HLA-DRB1: variants seen among roughly 807,000 people sequenced by gnomAD.
HLA-DRB1 encodes the protein major histocompatibility complex, class II, DR beta 1.
A neutral mutation model predicts 27.9 loss-of-function variants in HLA-DRB1; 10 were observed. The ratio of observed to expected loss-of-function variants is 0.36; its 90% CI spans 0.22 to 0.61. The LOEUF (loss-of-function observed/expected upper bound fraction) is 0.61. HLA-DRB1 is among the 20% of genes least tolerant of loss of function. The pLI is 0.73. For missense variants in HLA-DRB1, 118 were observed against 306.3 expected (o/e 0.39, Z 4.59); for synonymous variants, 57 against 126.7 (o/e 0.45, Z 3.69).
intron 1 of HLA-DRB1, among the ~76,000 whole-genome samples, 199 bp downstream of exon 1, chr6:32,589,444 C>T (rs879475196): frequency 0.2 from 13,094 of 66,730 alleles, 968 homozygotes; most frequent in East Asian, 0.3. Context: ...GTGCAAAGGC[C>T]CCTTACACAA....
At chr6:32,581,078 G>C (rs28732302) in intron 3 of HLA-DRB1, among the ~76,000 whole-genome samples, 1,057 of 73,852 alleles carry the variant, frequency 0.014, 66 homozygotes, top group Middle Eastern at 0.029. Context: ...TAAGGCACAA[G>C]TTCAACATCT....
intron 1 of HLA-DRB1, among the ~76,000 whole-genome samples, chr6:32,585,933 C>G: frequency 8.4e-6 from 1 of 118,938 alleles, no homozygotes; most frequent in South Asian, 2.9e-4. Context: ...GCCTGATACA[C>G]AGTCATTGCA....
intron 4 of HLA-DRB1, 143 bp downstream of exon 4, chr6:32,580,603 T>C (rs1231303350): frequency 4.0e-6 from 3 of 750,124 alleles, no homozygotes; most frequent in Non-Finnish European, 6.5e-6. Flanking sequence ...TGATGATTTC[T>C]GGATTAGCAG....
chr6:32,579,321 TC>T (rs368581979), intron 5 of HLA-DRB1, among the ~76,000 whole-genome samples: 1 of 86,360 alleles, frequency 1.2e-5, no homozygotes, highest in Non-Finnish European at 2.4e-5. Flanking sequence ...CCAAAGTCTT[TC>T]CTATTATTTC....
Position 32,584,177 on chromosome 6 carries a change from CG to C in HLA-DRB1, c.301del (p.Arg101GlyfsTer28), listed in dbSNP as rs1554126624. 123,927 of 675,384 alleles carry C rather than the reference CG, an allele frequency of 0.18. 24,091 individuals are homozygous for C. The highest frequency in any genetic ancestry group is 0.27 in the South Asian group (11,104 of 41,612). 41.8% of individuals were successfully genotyped at this position (675,384 alleles called of 1,614,324 possible). A position where few individuals can be genotyped will look rare whatever the true frequency, so the allele number is the denominator to read the frequency against. ...TCTGCAGTAGGTGTCCACCGCGGCC[CG>C]CGCCTGCTCCAGGATGTCCTTCTGG... On this transcript the variant is annotated frameshift_variant, in exon 2 of 6. Transcript: ENST00000360004. LOFTEE classifies it high-confidence loss of function.
At position 32,581,841 on chromosome 6, in the gene HLA-DRB1, A is replaced by C; in HGVS notation, c.371-3T>G. 4.4e-6 allele frequency: 5 copies of C among 1,149,170 alleles called. No homozygotes were observed. Among genetic ancestry groups the C allele is most frequent in the South Asian group, 1.3e-5 (1 of 75,204 alleles). The allele number at this position is 1,149,170 out of a possible 1,614,324, so 71.2% of individuals were successfully genotyped here. On this transcript the variant is annotated splice_region_variant and splice_polypyrimidine_tract_variant and intron_variant, in intron 2 of 5. Coordinates refer to ENST00000360004, the Ensembl canonical transcript of HLA-DRB1. ...ATATACAGTCACCTTAGGTTGGACT[A>C]GGAGAAAAACAACGTAGAGGGAATG...
At chr6:32,584,982 T>A (rs9270002) in intron 1 of HLA-DRB1, among the ~76,000 whole-genome samples, 21,347 of 42,988 alleles carry the variant, frequency 0.5, 9,472 homozygotes, top group Admixed American at 0.55. Context: ...AATAGAAGAT[T>A]CCCAGTTAAA....
chr6:32,589,432 T>A (rs9270271), intron 1 of HLA-DRB1, among the ~76,000 whole-genome samples: 2 of 71,596 alleles, frequency 2.8e-5, no homozygotes, highest in Non-Finnish European at 5.5e-5. Flanking sequence ...AAGAAATGAT[T>A]TGTGCAAAGG....
At chr6:32,588,936 A>T in intron 1 of HLA-DRB1, among the ~76,000 whole-genome samples, 1 of 122,302 alleles carries the variant, frequency 8.2e-6, no homozygotes, top group African/African-American at 3.0e-5. Flanking sequence ...TTTTCAGAGG[A>T]TGCCTTAAGT....
exon 6 of HLA-DRB1, chr6:32,579,081 C>A: frequency 1.3e-6 from 1 of 791,328 alleles, no homozygotes; most frequent in Non-Finnish European, 1.8e-6. Flanking sequence ...TGAATGTGGT[C>A]ATCTGCATTT....
rs35399335 is a variant in HLA-DRB1 at position 32,588,561 on chromosome 6, C to A, written c.100+1082G>T. 2.5e-3 allele frequency among the ~76,000 whole-genome samples: 131 copies of A among 52,488 alleles called. 2 individuals are homozygous for A. Among genetic ancestry groups the A allele is most frequent in the East Asian group, 5.7e-3 (9 of 1,570 alleles). 34.4% of individuals were successfully genotyped at this position (52,488 alleles called of 152,430 possible). Reference sequence around the variant, plus strand: ...CAACATAGCTGGGGAAAAATAGAAACTGGAGGAAGAGGTAAGCAGACATGG... The same window carrying A: ...CAACATAGCTGGGGAAAAATAGAAAATGGAGGAAGAGGTAAGCAGACATGG... On this transcript the variant is annotated intron_variant, in intron 1 of 5. Coordinates refer to ENST00000360004, the Ensembl canonical transcript of HLA-DRB1.
chr6:32,581,859 A>T (rs36056209), intron 2 of HLA-DRB1, 21 bp from the exon 3 acceptor site: 245,395 of 993,724 alleles, frequency 0.25, 1,079 homozygotes, highest in Admixed American at 0.31. Flanking sequence ...AACAACGTAG[A>T]GGGAATGAGT....
chr6:32,581,370 C>A (rs36052594), intron 3 of HLA-DRB1, among the ~76,000 whole-genome samples, 187 bp downstream of exon 3: 10,501 of 56,870 alleles, frequency 0.18, 276 homozygotes, highest in East Asian at 0.27. Flanking sequence ...GGCGAGACTG[C>A]TTCTCCAGGA....
At position 32,584,612 on chromosome 6, in the gene HLA-DRB1, C is replaced by CA. The variant is rs9281875; in HGVS notation, c.101-235_101-234insT. On this transcript the variant is annotated intron_variant, in intron 1 of 5. Coordinates refer to ENST00000360004, the Ensembl canonical transcript of HLA-DRB1. ...CTCATCCCCAGGCTTTTGGGACCCC[C>CA]TCCCTGCCTCCAGCCTGTTCTGGAG... Among the ~76,000 whole-genome samples the CA allele has an allele frequency of 4.9e-3, 717 of 146,144 alleles. 3 individuals are homozygous for CA. Among genetic ancestry groups the CA allele is most frequent in the African/African-American group, 0.017 (650 of 38,928 alleles).
At chr6:32,578,973 G>A (rs1267338562) in exon 6 of HLA-DRB1, 1 of 490,384 alleles carries the variant, frequency 2.0e-6, no homozygotes, top group South Asian at 2.1e-5. Flanking sequence ...TGCCGAACCA[G>A]TAGCAACCAG....
intron 3 of HLA-DRB1, among the ~76,000 whole-genome samples, chr6:32,581,335 G>A (rs35325793): frequency 0.011 from 896 of 83,202 alleles, 42 homozygotes; most frequent in African/African-American, 0.018. Context: ...AGGTTCAAAA[G>A]AGGGACAGTC....
intron 1 of HLA-DRB1, among the ~76,000 whole-genome samples, chr6:32,586,858 A>C: frequency 1.1e-5 from 1 of 87,554 alleles, no homozygotes; most frequent in Non-Finnish European, 2.4e-5. Flanking sequence ...ATCCTTAGGA[A>C]TAAGCTTGAT....
At position 32,585,396 on chromosome 6, in the gene HLA-DRB1, A is replaced by G. The variant is rs201958587; in HGVS notation, c.101-1018T>C. On this transcript the variant is annotated intron_variant, in intron 1 of 5. Coordinates refer to ENST00000360004, the Ensembl canonical transcript of HLA-DRB1. ...CTTCTACTTGGGTCAATTTTTACCAACCATAAGCCTTTTTGTAATCTATCA... is the reference window on the plus strand; with the variant it reads ...CTTCTACTTGGGTCAATTTTTACCAGCCATAAGCCTTTTTGTAATCTATCA... Among the ~76,000 whole-genome samples the G allele has an allele frequency of 8.1e-3, 1,100 of 136,622 alleles. 13 individuals are homozygous for G. Among genetic ancestry groups the G allele is most frequent in the South Asian group, 0.026 (96 of 3,708 alleles). 89.6% of individuals were successfully genotyped at this position (136,622 alleles called of 152,430 possible). A position where few individuals can be genotyped will look rare whatever the true frequency, so the allele number is the denominator to read the frequency against.
intron 1 of HLA-DRB1, among the ~76,000 whole-genome samples, chr6:32,585,249 G>A (rs9270018): frequency 0.61 from 42,458 of 69,680 alleles, 17,585 homozygotes; most frequent in Admixed American, 0.69. Context: ...CTAAGAAACA[G>A]CCTGGTACAT....
Sources: gnomAD v4.1 joint callset for allele counts (sites outside exome capture counted in the v4.1 genomes callset) on GRCh38, gnomAD v4.1.1 for gene constraint, MANE v1.5 for transcripts, NCBI Gene and HGNC (gene_info 2026-07-23, HGNC 2026-07-21) for gene names.